The following USP6NL variants were observed in gnomAD, a reference collection of about 807,000 sequenced individuals.
USP6NL encodes USP6 N-terminal-like protein.
A neutral mutation model predicts 61.9 loss-of-function variants in USP6NL; 26 were observed. The ratio of observed to expected loss-of-function variants is 0.42; its 90% CI spans 0.31 to 0.58. USP6NL has a LOEUF of 0.58. Ranked by LOEUF, USP6NL falls within the 20% of genes least tolerant of loss-of-function variation. USP6NL has a pLI of 0.16. For synonymous variants in USP6NL, 432 were observed against 390.1 expected (o/e 1.11, Z -1.27); for missense variants, 1,114 against 1,034.3 (o/e 1.08, Z -1.06).
chr10:11,526,345 G>A (rs1326585187), intron 3 of USP6NL, among the ~76,000 whole-genome samples: 1 of 152,084 alleles, frequency 6.6e-6, no homozygotes, highest in African/African-American at 2.4e-5. Context: ...TCAGTACACT[G>A]GGAGCATCCT....
At position 11,602,294 on chromosome 10, in the gene USP6NL, C is replaced by G. The variant is rs1039971286; in HGVS notation, c.-83-4577G>C. ...ACATTTGTTTCCTCAAAGGCTATAA[C>G]TCAATACTTAAATGATTAATGTTCT... On this transcript the variant is annotated intron_variant, in intron 1 of 14. Transcript: ENST00000609104. This position sits in a 1 kb window ranked among gnomAD's most constrained non-coding sequence, Gnocchi z 4.8. Among the ~76,000 whole-genome samples, 1 of 152,114 alleles carries G rather than the reference C, an allele frequency of 6.6e-6. No homozygotes were observed. The highest frequency in any genetic ancestry group is 1.5e-5 in the Non-Finnish European group (1 of 68,024).
rs549042956 is a variant in USP6NL at position 11,487,048 on chromosome 10, TA to T, written c.665-1138del. On this transcript the variant is annotated intron_variant, in intron 10 of 14. Transcript: ENST00000609104. The surrounding 1 kb of genome is among the most constrained non-coding windows in gnomAD (Gnocchi z 4.2). The stretch of plus-strand genomic sequence containing the variant: ...ATATTTTTCAGTGAAATTGTTTCAT[TA>T]AAAAAAAAAAATCCGTATCTATCAG... Among the ~76,000 whole-genome samples the T allele has an allele frequency of 2.6e-3, 383 of 144,900 alleles. No individual in the cohort carries two copies. Among genetic ancestry groups the T allele is most frequent in the Middle Eastern group, 3.5e-3 (1 of 288 alleles).
At chr10:11,576,710 A>G (rs181225319) in intron 2 of USP6NL, among the ~76,000 whole-genome samples, 153 of 152,376 alleles carry the variant, frequency 1.0e-3, no homozygotes, top group Non-Finnish European at 1.8e-3. Context: ...CAGCCCAAAC[A>G]GAATAACACA....
intron 2 of USP6NL, among the ~76,000 whole-genome samples, chr10:11,582,188 A>T (rs941836934): frequency 6.6e-6 from 1 of 152,054 alleles, no homozygotes. Flanking sequence ...CTGGTGTCAA[A>T]CTCCTGACCT....
chr10:11,504,899 AAAG>A (rs1358176966), intron 6 of USP6NL, among the ~76,000 whole-genome samples: 6 of 152,230 alleles, frequency 3.9e-5, no homozygotes, highest in African/African-American at 1.4e-4. Context: ...CAGAGTGGTA[AAAG>A]AAGGATGGTG....
chr10:11,546,659 G>GCC (rs1836284069), intron 2 of USP6NL, among the ~76,000 whole-genome samples: 1 of 152,144 alleles, frequency 6.6e-6, no homozygotes, highest in South Asian at 2.1e-4. Context: ...CTCATGATCC[G>GCC]CCCAGCCAGG....
At position 11,596,679 on chromosome 10, in the gene USP6NL, CTTTG is replaced by C. The variant is rs1437347621; in HGVS notation, c.4+948_4+951del. 2.6e-5 allele frequency among the ~76,000 whole-genome samples: 4 copies of C among 151,398 alleles called. No homozygotes were observed. The highest frequency in any genetic ancestry group is 4.4e-5 in the Non-Finnish European group (3 of 67,880). ...TGTACTGAACTCATCTAGCCACTAA[CTTTG>C]TTTCTTCAAAGTACACTACCGAAAA... On this transcript the variant is annotated intron_variant, in intron 2 of 14. Transcript: ENST00000609104. This position sits in a 1 kb window ranked among gnomAD's most constrained non-coding sequence, Gnocchi z 4.1.
chr10:11,568,908 G>A (rs1050941363), intron 2 of USP6NL, among the ~76,000 whole-genome samples: 1 of 152,218 alleles, frequency 6.6e-6, no homozygotes, highest in Non-Finnish European at 1.5e-5. Context: ...TCTTAAGAAA[G>A]AGAGTTCATT....
intron 2 of USP6NL, among the ~76,000 whole-genome samples, chr10:11,529,717 C>T (rs1266393450): frequency 1.3e-5 from 2 of 152,192 alleles, no homozygotes; most frequent in Non-Finnish European, 2.9e-5. Flanking sequence ...ATTCACTACC[C>T]TATTTTAGAC....
At chr10:11,567,360 C>T (rs970534020) in intron 2 of USP6NL, among the ~76,000 whole-genome samples, 3 of 152,130 alleles carry the variant, frequency 2.0e-5, no homozygotes, top group South Asian at 2.1e-4. Context: ...ACTGGGCCAA[C>T]GAGCTAAACA....
rs1242194978 is a variant in USP6NL at position 11,585,911 on chromosome 10, G to A, written c.4+11720C>T. On this transcript the variant is annotated intron_variant, in intron 2 of 14. Transcript: ENST00000609104. The surrounding 1 kb of genome is among the most constrained non-coding windows in gnomAD (Gnocchi z 4.5). ...ATTCCACTTACATGAGGTACCTAGA[G>A]GTCAGAGGCCGGGAAGAGGAAGAAA... Among the ~76,000 whole-genome samples, 2 of 152,134 alleles carry A rather than the reference G, an allele frequency of 1.3e-5. No individual in the cohort carries two copies. Among genetic ancestry groups the A allele is most frequent in the African/African-American group, 2.4e-5 (1 of 41,424 alleles).
rs555772404 is a variant in USP6NL at position 11,548,498 on chromosome 10, C to A, written c.5-20931G>T. ...ACTCATTTTCCATTTTGGTCCATGA[C>A]TATCCTATAAAGATCTTTGTAAATC... is the stretch of plus-strand genomic sequence containing the variant. On this transcript the variant is annotated intron_variant, in intron 2 of 14. Transcript: ENST00000609104. This position sits in a 1 kb window ranked among gnomAD's most constrained non-coding sequence, Gnocchi z 4.3. Among the ~76,000 whole-genome samples the A allele has an allele frequency of 9.8e-5, 15 of 152,294 alleles. No homozygotes were observed. The highest frequency in any genetic ancestry group is 4.1e-4 in the South Asian group (2 of 4,830).
chr10:11,575,544 G>A lies in USP6NL; in HGVS notation c.4+22087C>T, dbSNP rs1291465426. Among the ~76,000 whole-genome samples, 1 of 152,154 alleles carries A rather than the reference G, an allele frequency of 6.6e-6. No individual in the cohort carries two copies. The highest frequency in any genetic ancestry group is 6.5e-5 in the Admixed American group (1 of 15,280). On this transcript the variant is annotated intron_variant, in intron 2 of 14. Transcript: ENST00000609104. The surrounding 1 kb of genome is among the most constrained non-coding windows in gnomAD (Gnocchi z 4.2). ...CTCCATACCTGGCCAGGGAAGAGAG[G>A]AGTATCTAAATTCATGTCTCATAAA...
Position 11,514,037 on chromosome 10 carries a change from T to C in USP6NL, c.196-4362A>G, listed in dbSNP as rs141092211. ...ATCAGATGCACACGATGCCAAGCTG[T>C]ACCACTTCTAGCGATGATGCTACAG... On this transcript the variant is annotated intron_variant, in intron 5 of 14. Coordinates refer to ENST00000609104, the MANE Select transcript of USP6NL (RefSeq NM_014688.5). Among the ~76,000 whole-genome samples, 292 of 152,354 alleles carry C rather than the reference T, an allele frequency of 1.9e-3. 3 individuals carry two copies. Among genetic ancestry groups the C allele is most frequent in the Admixed American group, 0.014 (215 of 15,298 alleles).
At chr10:11,543,695 A>G (rs1471917215) in intron 2 of USP6NL, among the ~76,000 whole-genome samples, 2 of 152,138 alleles carry the variant, frequency 1.3e-5, no homozygotes, top group Non-Finnish European at 2.9e-5. Flanking sequence ...CCAGATATTA[A>G]AAGAAACAAT....
At position 11,575,155 on chromosome 10, in the gene USP6NL, T is replaced by C. The variant is rs1034927889; in HGVS notation, c.4+22476A>G. Among the ~76,000 whole-genome samples, 13 of 152,332 alleles carry C rather than the reference T, an allele frequency of 8.5e-5. No homozygotes were observed. The highest frequency in any genetic ancestry group is 3.1e-4 in the African/African-American group (13 of 41,578). ...AACTAAATCAAAGTAAGAGTTCAGA[T>C]GGGTCAAAGACTAAGTTTTAAACCT... On this transcript the variant is annotated intron_variant, in intron 2 of 14. Transcript: ENST00000609104. The surrounding 1 kb of genome is among the most constrained non-coding windows in gnomAD (Gnocchi z 4.2).
At chr10:11,477,455 T>C (rs1294897547) in intron 14 of USP6NL, among the ~76,000 whole-genome samples, 10 of 152,198 alleles carry the variant, frequency 6.6e-5, no homozygotes, top group Non-Finnish European at 1.5e-4. Context: ...ATGACCCACA[T>C]TGACCTTAGA....
Position 11,542,820 on chromosome 10 carries a change from C to T in USP6NL, c.5-15253G>A, listed in dbSNP as rs1001597230. Among the ~76,000 whole-genome samples, 7 of 152,132 alleles carry T rather than the reference C, an allele frequency of 4.6e-5. No individual in the cohort carries two copies. In the East Asian group the frequency reaches 1.3e-3, roughly 29 times the overall value. ...ATAAAAAGTCAGAGACCCCCAGCAA[C>T]AGGAATGGCTATTTGAACAGCAGCA... is the stretch of plus-strand genomic sequence containing the variant. On this transcript the variant is annotated intron_variant, in intron 2 of 14. Transcript: ENST00000609104.
intron 4 of USP6NL, among the ~76,000 whole-genome samples, chr10:11,521,386 T>A (rs559413713): frequency 0.016 from 2,376 of 147,072 alleles, 58 homozygotes; most frequent in African/African-American, 0.052. Context: ...TATTTTTTTT[T>A]AAATTTTTTT....
Sources: gnomAD v4.1 joint callset for allele counts (sites outside exome capture counted in the v4.1 genomes callset) on GRCh38, gnomAD v4.1.1 for gene constraint, Gnocchi (gnomAD v3.1) non-coding constraint, MANE v1.5 for transcripts, NCBI Gene and HGNC (gene_info 2026-07-23, HGNC 2026-07-21) for gene names.